Variants in NHSL1 observed in about 807,000 individuals in gnomAD.
NHSL1 encodes NHS like 1.
NHSL1 carries 48 observed loss-of-function variants against 95.0 expected under a neutral mutation model. The observed-to-expected ratio is 0.51, with a 90% confidence interval of 0.40 to 0.64. The LOEUF is 0.64. Ranked by LOEUF, NHSL1 falls within the 30% of genes least tolerant of loss-of-function variation. The probability of loss-of-function intolerance (pLI) is 0.00; values close to 1 mark genes in which losing one functional copy is unlikely to be tolerated. For missense variants in NHSL1, 1,971 were observed against 2,077.7 expected, an observed-to-expected ratio of 0.95 and a Z score of 1.00; for synonymous variants, 783 against 833.9, an observed-to-expected ratio of 0.94 and a Z score of 1.05.
At chr6:138,504,141 A>C (rs1228855151), upstream of NHSL1, among the ~76,000 whole-genome samples, 1 of 152,154 alleles carries the variant, frequency 6.6e-6, no homozygotes, top group Non-Finnish European at 1.5e-5. Flanking sequence ...AAGCTGAGGC[A>C]GGAAGATTGC....
rs1400002044 is a variant in NHSL1, at chr6:138,432,652, G to A, written c.1693C>T (p.Pro565Ser). 5.8e-6 allele frequency: 9 copies of A among 1,551,710 alleles called. No individual in the cohort carries two copies. The highest frequency in any genetic ancestry group is 2.0e-5 in the Admixed American group (1 of 51,002). ...GGAGTTGCTAAATGCGGCTTCAGGG[G>A]GGATGCCCTTCCATTACCTGAGGAT... ...YKSSGNGRAS[P>S]LKPHLATPGY... The change falls in exon 6 of 8, where the codon CCC becomes TCC. Residue 565 changes from proline to serine, a missense_variant. Around this residue, in one of 3 missense-constraint regions of NHSL1, gnomAD observed 1,602 missense variants for 1,654.5 expected, o/e 0.97. Transcript: ENST00000343505. This position sits in a 1 kb window ranked among gnomAD's most constrained non-coding sequence, Gnocchi z 4.4.
intron 1 of NHSL1, among the ~76,000 whole-genome samples, chr6:138,584,450 TC>T (rs1438520523): frequency 2.0e-5 from 3 of 152,178 alleles, no homozygotes; most frequent in African/African-American, 7.2e-5. Flanking sequence ...CGGCCAACTC[TC>T]CCGACAGTCA....
At chr6:138,558,766 C>T (rs1783299156) in intron 1 of NHSL1, among the ~76,000 whole-genome samples, 1 of 152,186 alleles carries the variant, frequency 6.6e-6, no homozygotes, top group South Asian at 2.1e-4. Flanking sequence ...ACACTACAGC[C>T]AGGCAGTGGC....
intron 1 of NHSL1, chr6:138,650,629 C>A: frequency 1.7e-6 from 1 of 573,826 alleles, no homozygotes; most frequent in Non-Finnish European, 3.5e-6. Flanking sequence ...GAGCTCAGCA[C>A]GCCACTATCC....
intron 2 of NHSL1, among the ~76,000 whole-genome samples, chr6:138,479,827 A>C (rs533977616): frequency 1.3e-5 from 2 of 152,364 alleles, no homozygotes; most frequent in Non-Finnish European, 2.9e-5. Flanking sequence ...CTTCATATGC[A>C]TAATTCCACA....
Position 138,424,749 on chromosome 6 carries a change from G to A in NHSL1, c.4153C>T (p.Pro1385Ser). 1.9e-6 allele frequency: 3 copies of A among 1,551,190 alleles called. No homozygotes were observed. Among genetic ancestry groups the A allele is most frequent in the Non-Finnish European group, 1.7e-6 (2 of 1,146,632 alleles). The part of the protein sequence containing the change: ...DDHSRNHSPS[P>S]PVTPTGAAPS... ...GCAGCGCCGGTGGGTGTCACGGGCG[G>A]GGAGGGAGAATGGTTTCGGGAGTGG... The change falls in exon 8 of 8, where the codon CCG becomes TCG. Residue 1385 changes from proline to serine, a missense_variant. Around this residue, in one of 3 missense-constraint regions of NHSL1, gnomAD observed 146 missense variants for 206.3 expected, o/e 0.71. Coordinates refer to ENST00000343505, the MANE Select transcript of NHSL1 (RefSeq NM_001144060.2). The surrounding 1 kb of genome is among the most constrained non-coding windows in gnomAD (Gnocchi z 5.9).
At chr6:138,437,431 C>CAA in intron 5 of NHSL1, among the ~76,000 whole-genome samples, 1 of 38,924 alleles carries the variant, frequency 2.6e-5, no homozygotes, top group Non-Finnish European at 5.3e-5. Context: ...CACACACACA[C>CAA]ACACACACAC....
intron 3 of NHSL1, among the ~76,000 whole-genome samples, chr6:138,470,055 A>G (rs1032922442): frequency 6.6e-6 from 1 of 152,144 alleles, no homozygotes; most frequent in African/African-American, 2.4e-5. Context: ...AATAATGTCT[A>G]ATTAATATAT....
At chr6:138,508,248 C>T (rs922581042) in intron 1 of NHSL1, among the ~76,000 whole-genome samples, 3 of 152,156 alleles carry the variant, frequency 2.0e-5, no homozygotes, top group Admixed American at 6.5e-5. Context: ...AGTTCAACCA[C>T]GCCTGCAGGA....
chr6:138,679,357 A>G (rs1269494668), intron 1 of NHSL1, among the ~76,000 whole-genome samples: 1 of 152,226 alleles, frequency 6.6e-6, no homozygotes, highest in Non-Finnish European at 1.5e-5. Flanking sequence ...ATGCTGCTCA[A>G]GTAAAGAACC....
chr6:138,535,329 A>T (rs747684923), intron 1 of NHSL1, among the ~76,000 whole-genome samples: 11 of 152,132 alleles, frequency 7.2e-5, no homozygotes, highest in Admixed American at 1.3e-4. Context: ...TATGGGAGAT[A>T]AAGGCGGGAG....
chr6:138,432,498 C>A lies in NHSL1; in HGVS notation c.1847G>T (p.Gly616Val), dbSNP rs1775765494. The A allele has an allele frequency of 1.3e-6, 2 of 1,552,080 alleles. No homozygotes were observed. Among genetic ancestry groups the A allele is most frequent in the East Asian group, 4.9e-5 (2 of 40,928 alleles). The change falls in exon 6 of 8, where the codon GGA becomes GTA. Residue 616 changes from glycine (G) to valine (V), a missense_variant. Around this residue, in one of 3 missense-constraint regions of NHSL1, gnomAD observed 1,602 missense variants for 1,654.5 expected, o/e 0.97. Coordinates refer to ENST00000343505, the MANE Select transcript of NHSL1 (RefSeq NM_001144060.2). This position sits in a 1 kb window ranked among gnomAD's most constrained non-coding sequence, Gnocchi z 4.4. ...ATTGCACAGATTCCCAGATCCATGTCCAGAGTCAGTGTGCACAGATGCACA... is the reference window on the plus strand; with the variant it reads ...ATTGCACAGATTCCCAGATCCATGTACAGAGTCAGTGTGCACAGATGCACA... The part of the protein sequence containing the change: ...GYCASVHTDS[G>V]HGSGNLCNSS...
chr6:138,641,638 A>C (rs1340830179), intron 1 of NHSL1, among the ~76,000 whole-genome samples: 1 of 151,680 alleles, frequency 6.6e-6, no homozygotes, highest in Non-Finnish European at 1.5e-5. Context: ...AAAAAAAAAA[A>C]AAAAAAAATC....
intron 1 of NHSL1, among the ~76,000 whole-genome samples, chr6:138,496,733 C>T (rs1780376483): frequency 6.6e-6 from 1 of 152,196 alleles, no homozygotes; most frequent in African/African-American, 2.4e-5. Flanking sequence ...CAACAAATAG[C>T]AGTTACTCAA....
At chr6:138,674,771 A>G (rs1785426528) in intron 1 of NHSL1, among the ~76,000 whole-genome samples, 1 of 152,210 alleles carries the variant, frequency 6.6e-6, no homozygotes, top group Non-Finnish European at 1.5e-5. Context: ...ACAGTGCTAC[A>G]ATGAACATAT....
chr6:138,589,678 A>G lies in NHSL1; in HGVS notation c.97-93307T>C, dbSNP rs184773164. Among the ~76,000 whole-genome samples the G allele has an allele frequency of 1.9e-3, 292 of 152,228 alleles. 3 individuals are homozygous for G. Among genetic ancestry groups the G allele is most frequent in the East Asian group, 0.014 (70 of 5,166 alleles). ...GTTCATTCCACCTCCTTCTCACAGTAGGAATGAATTGGTTTCCTCCTTTGC... is the reference window on the plus strand; with the variant it reads ...GTTCATTCCACCTCCTTCTCACAGTGGGAATGAATTGGTTTCCTCCTTTGC... On this transcript the variant is annotated intron_variant, in intron 1 of 3. Transcript: ENST00000491526.
At chr6:138,458,231 A>C (rs1562290864) in intron 3 of NHSL1, among the ~76,000 whole-genome samples, 1 of 152,180 alleles carries the variant, frequency 6.6e-6, no homozygotes, top group Non-Finnish European at 1.5e-5. Context: ...ATATTCTGTT[A>C]TACTGGTTTG....
chr6:138,593,226 C>G (rs1490550307), intron 1 of NHSL1, among the ~76,000 whole-genome samples: 1 of 152,210 alleles, frequency 6.6e-6, no homozygotes, highest in East Asian at 1.9e-4. Flanking sequence ...AGCACTGACA[C>G]GGAGGCAGTC....
At chr6:138,479,633 T>A (rs1779295407) in intron 2 of NHSL1, among the ~76,000 whole-genome samples, 1 of 152,260 alleles carries the variant, frequency 6.6e-6, no homozygotes, top group Non-Finnish European at 1.5e-5. Context: ...ATTTTCCATT[T>A]AAAATTTTCA....
Sources: allele counts gnomAD v4.1 joint callset (sites outside exome capture counted in the v4.1 genomes callset), GRCh38; gene constraint gnomAD v4.1.1; regional missense constraint gnomAD v4.1.1; non-coding constraint Gnocchi (gnomAD v3.1); transcripts MANE v1.5; gene names NCBI Gene and HGNC (gene_info 2026-07-23, HGNC 2026-07-21).